The following RAPGEF2 variants were observed in gnomAD, a reference collection of about 807,000 sequenced individuals.
RAPGEF2 encodes the protein PDZ domain containing guanine nucleotide exchange factor (GEF) 1.
A neutral mutation model predicts 186.7 loss-of-function variants in RAPGEF2; 54 were observed. That is an observed-to-expected ratio of 0.29 (90% CI 0.23 to 0.36). The LOEUF (loss-of-function observed/expected upper bound fraction) is 0.36. Ranked by LOEUF, RAPGEF2 falls within the 10% of genes least tolerant of loss-of-function variation. The probability of loss-of-function intolerance (pLI) is 1.00; values close to 1 mark genes in which losing one functional copy is unlikely to be tolerated. For missense variants in RAPGEF2, 1,532 were observed against 2,045.0 expected (o/e 0.75, Z 4.84); for synonymous variants, 712 against 705.9 (o/e 1.01, Z -0.14).
intron 7 of RAPGEF2, among the ~76,000 whole-genome samples, chr4:159,286,991 A>C (rs980107961): frequency 6.6e-6 from 1 of 152,178 alleles, no homozygotes; most frequent in African/African-American, 2.4e-5. Flanking sequence ...TGTTTAATAT[A>C]AAAAAGCCAT....
intron 1 of RAPGEF2, among the ~76,000 whole-genome samples, chr4:159,161,596 CAG>C (rs1482243753): frequency 1.3e-5 from 2 of 152,006 alleles, no homozygotes; most frequent in South Asian, 2.1e-4. Flanking sequence ...CCCAGCTACT[CAG>C]GGGGCTGAGG....
intron 8 of RAPGEF2, among the ~76,000 whole-genome samples, chr4:159,305,533 T>C (rs1226232721): frequency 3.9e-5 from 6 of 152,140 alleles, no homozygotes; most frequent in Non-Finnish European, 1.5e-5. Flanking sequence ...GGATTAAATT[T>C]TTTGCTGTTG....
chr4:159,115,241 T>C (rs745891474), intron 1 of RAPGEF2, among the ~76,000 whole-genome samples: 7 of 152,184 alleles, frequency 4.6e-5, no homozygotes, highest in Non-Finnish European at 1.0e-4. Context: ...TTAAAAAACA[T>C]GAGACCTAAC....
chr4:159,246,501 AT>A lies in RAPGEF2; in HGVS notation c.543+2712del, dbSNP rs564599915. Among the ~76,000 whole-genome samples the A allele has an allele frequency of 2.4e-3, 359 of 152,296 alleles. 1 individual carries two copies. Among genetic ancestry groups the A allele is most frequent in the African/African-American group, 8.4e-3 (348 of 41,580 alleles). ...TACAATGGGTGTATAAGATATAACCATTCCTAGGATATACCTTAAATATCTC... is the reference window on the plus strand; with the variant it reads ...TACAATGGGTGTATAAGATATAACCATCCTAGGATATACCTTAAATATCTC... On this transcript the variant is annotated intron_variant, in intron 7 of 29. Coordinates refer to ENST00000691494, the MANE Select transcript of RAPGEF2 (RefSeq NM_001394067.2).
chr4:159,129,940 A>C (rs1740832706), intron 1 of RAPGEF2, among the ~76,000 whole-genome samples: 1 of 152,068 alleles, frequency 6.6e-6, no homozygotes, highest in African/African-American at 2.4e-5. Context: ...TTTTATGGTT[A>C]TTTCTTGATT....
chr4:159,188,579 G>A (rs183419038), intron 2 of RAPGEF2, among the ~76,000 whole-genome samples: 42 of 149,832 alleles, frequency 2.8e-4, no homozygotes, highest in East Asian at 1.2e-3. Flanking sequence ...TAGGAGAGTC[G>A]CTTGAACCTG....
intron 7 of RAPGEF2, among the ~76,000 whole-genome samples, chr4:159,279,148 C>T (rs755532221): frequency 2.0e-5 from 3 of 152,164 alleles, no homozygotes; most frequent in Non-Finnish European, 4.4e-5. Flanking sequence ...CGAAACTCTT[C>T]ATTTATGATC....
chr4:159,248,795 C>T (rs1032123772), intron 7 of RAPGEF2, among the ~76,000 whole-genome samples: 1 of 152,194 alleles, frequency 6.6e-6, no homozygotes, highest in Non-Finnish European at 1.5e-5. Context: ...CTATTAACAG[C>T]ATGCATTGTA....
Position 159,332,451 on chromosome 4 carries a change from T to G in RAPGEF2, c.1889T>G (p.Val630Gly), listed in dbSNP as rs1766822694. 6.2e-7 allele frequency: 1 copy of G among 1,608,294 alleles called. No individual in the cohort carries two copies. Among genetic ancestry groups the G allele is most frequent in the African/African-American group, 1.3e-5 (1 of 74,406 alleles). ...GTGTTTCTGTTTTCATTTATTTTAGTATTTAAAGAACTTCTAACAAGATTG... is the reference window on the plus strand; with the variant it reads ...GTGTTTCTGTTTTCATTTATTTTAGGATTTAAAGAACTTCTAACAAGATTG... ...LSITVKTNLFVFKELLTRLSE... is the reference protein window; with the variant it reads ...LSITVKTNLFGFKELLTRLSE... Residue 630 changes from valine to glycine, a missense_variant and splice_region_variant, in exon 17 of 30, where the codon GTA (valine) becomes GGA (glycine). By Grantham distance (109) the Val-to-Gly change is moderately radical. Around this residue, in one of 4 missense-constraint regions of RAPGEF2, gnomAD observed 810 missense variants for 1,210.5 expected, o/e 0.67. Transcript: ENST00000691494.
rs1752268333 is a variant in RAPGEF2 at position 159,228,455 on chromosome 4, G to A, written c.282-10354G>A. The stretch of plus-strand genomic sequence containing the variant: ...CAACAAACTACTGAGGAATGAACGG[G>A]GGAATAGCACAGCTATAAGGCCTTC... On this transcript the variant is annotated intron_variant, in intron 4 of 29. Coordinates refer to ENST00000691494, the MANE Select transcript of RAPGEF2 (RefSeq NM_001394067.2). 3 of 152,136 alleles carry A rather than the reference G, an allele frequency of 2.0e-5. 1 individual carries two copies. The South Asian group carries it at 6.2e-4, about 32-fold the overall frequency. 9.4% of individuals were successfully genotyped at this position (152,136 alleles called of 1,614,324 possible). A position where few individuals can be genotyped will look rare whatever the true frequency, so the allele number is the denominator to read the frequency against.
chr4:159,267,317 C>T, intron 7 of RAPGEF2: 6 of 1,289,250 alleles, frequency 4.7e-6, no homozygotes, highest in Non-Finnish European at 6.1e-6. Context: ...AAAGTAAGCA[C>T]AATAATGTAA....
intron 7 of RAPGEF2, among the ~76,000 whole-genome samples, chr4:159,296,406 T>G (rs1285143824): frequency 6.6e-6 from 1 of 152,246 alleles, no homozygotes; most frequent in East Asian, 1.9e-4. Flanking sequence ...ACTAGTAATT[T>G]GATCTAAATA....
At chr4:159,121,936 G>A (rs1405556695) in intron 1 of RAPGEF2, among the ~76,000 whole-genome samples, 1 of 150,468 alleles carries the variant, frequency 6.6e-6, no homozygotes, top group African/African-American at 2.4e-5. Flanking sequence ...TACTCGGGAG[G>A]CTGAGGCAGG....
At chr4:159,186,228 AT>A (rs1747541904) in intron 1 of RAPGEF2, among the ~76,000 whole-genome samples, 1 of 151,996 alleles carries the variant, frequency 6.6e-6, no homozygotes, top group South Asian at 2.1e-4. Context: ...ATTTATATCC[AT>A]TTTTAAGTGT....
At chr4:159,207,759 A>G (rs969938511) in intron 3 of RAPGEF2, among the ~76,000 whole-genome samples, 2 of 152,226 alleles carry the variant, frequency 1.3e-5, no homozygotes, top group Non-Finnish European at 2.9e-5. Flanking sequence ...AAAAGTTTAC[A>G]GAGTATTTTT....
At chr4:159,257,590 C>G (rs1217200443) in intron 7 of RAPGEF2, among the ~76,000 whole-genome samples, 1 of 152,178 alleles carries the variant, frequency 6.6e-6, no homozygotes, top group African/African-American at 2.4e-5. Context: ...TTTAATCTAT[C>G]TTGAGTTAAT....
intron 7 of RAPGEF2, among the ~76,000 whole-genome samples, chr4:159,271,538 C>G (rs1758131992): frequency 6.6e-6 from 1 of 152,024 alleles, no homozygotes; most frequent in Non-Finnish European, 1.5e-5. Context: ...TATGAGAAAA[C>G]TGAGATTAAA....
intron 1 of RAPGEF2, among the ~76,000 whole-genome samples, chr4:159,146,153 T>C (rs903356832): frequency 3.9e-5 from 6 of 152,168 alleles, no homozygotes; most frequent in African/African-American, 1.4e-4. Context: ...ATGAGGTCAT[T>C]GTTATATAAT....
At chr4:159,326,438 A>G (rs1038574032) in intron 11 of RAPGEF2, among the ~76,000 whole-genome samples, 4 of 152,244 alleles carry the variant, frequency 2.6e-5, no homozygotes, top group African/African-American at 9.6e-5. Flanking sequence ...AGGCTTTGCC[A>G]TCATTATCTT....
Sources: gnomAD v4.1 joint callset for allele counts (sites outside exome capture counted in the v4.1 genomes callset) on GRCh38, gnomAD v4.1.1 for gene constraint, gnomAD v4.1.1 regional missense constraint, MANE v1.5 for transcripts, NCBI Gene and HGNC (gene_info 2026-07-23, HGNC 2026-07-21) for gene names.